The following CENPP variants were observed in gnomAD, a reference collection of about 807,000 sequenced individuals.
CENPP encodes the protein centromere protein P.
CENPP carries 24 observed loss-of-function variants against 35.6 expected under a neutral mutation model. That is an observed-to-expected ratio of 0.67 (90% CI 0.49 to 0.95). The LOEUF (loss-of-function observed/expected upper bound fraction) is 0.95, where lower values mean the gene tolerates loss of function less well. Ranked by LOEUF, CENPP falls within the 40% of genes least tolerant of loss-of-function variation. The pLI, the probability that CENPP is intolerant of heterozygous loss-of-function variation, is 0.00. For missense variants in CENPP, 332 were observed against 345.3 expected (o/e 0.96, Z 0.31); for synonymous variants, 120 against 125.5 (o/e 0.96, Z 0.29).
intron 3 of CENPP, chr9:92,339,666 C>G (rs894320620): frequency 6.5e-6 from 1 of 153,222 alleles, no homozygotes; most frequent in Non-Finnish European, 1.5e-5. Flanking sequence ...CTCTAGGGGA[C>G]TGACATTGTT....
intron 1 of CENPP, among the ~76,000 whole-genome samples, chr9:92,330,422 T>G (rs1392098742): frequency 6.6e-6 from 1 of 152,076 alleles, no homozygotes; most frequent in African/African-American, 2.4e-5. Flanking sequence ...GAATACATAT[T>G]TAGGATAGCA....
chr9:92,337,943 A>G (rs1275441777), intron 3 of CENPP, among the ~76,000 whole-genome samples: 4 of 152,292 alleles, frequency 2.6e-5, no homozygotes, highest in African/African-American at 9.6e-5. Context: ...TAGTTAGGTG[A>G]TATGCCAGCC....
chr9:92,430,259 A>G (rs1300962529), intron 5 of CENPP, among the ~76,000 whole-genome samples: 1 of 151,804 alleles, frequency 6.6e-6, no homozygotes, highest in Non-Finnish European at 1.5e-5. Context: ...TTTTATTTCT[A>G]TTGTATTGTA....
In CENPP at chr9:92,589,356, ATT is replaced by A. The variant is rs201190435; in HGVS notation, c.565-21950_565-21949del. On this transcript the variant is annotated intron_variant, in intron 5 of 7. Coordinates refer to ENST00000375587, the MANE Select transcript of CENPP (RefSeq NM_001012267.3). ...AAGACCCTGTCTCAAAAAAAAAAAA[ATT>A]TTTTTTTAAGAGAAAAAGGAAACTA... Among the ~76,000 whole-genome samples, 3 of 151,198 alleles carry A rather than the reference ATT, an allele frequency of 2.0e-5. No individual in the cohort carries two copies. The South Asian group carries it at 6.3e-4, about 32-fold the overall frequency.
chr9:92,570,502 G>C (rs968273196), intron 5 of CENPP, among the ~76,000 whole-genome samples: 3 of 152,122 alleles, frequency 2.0e-5, no homozygotes, highest in Non-Finnish European at 4.4e-5. Flanking sequence ...GAGGATTTTT[G>C]CATCAATGTT....
At chr9:92,344,274 AC>A (rs747808679) in intron 3 of CENPP, among the ~76,000 whole-genome samples, 2 of 152,184 alleles carry the variant, frequency 1.3e-5, no homozygotes, top group Non-Finnish European at 2.9e-5. Context: ...CTATAACCCA[AC>A]AAAAAATTTG....
At chr9:92,335,920 A>C (rs1240323790) in intron 2 of CENPP, among the ~76,000 whole-genome samples, 2 of 152,244 alleles carry the variant, frequency 1.3e-5, no homozygotes, top group Non-Finnish European at 2.9e-5. Flanking sequence ...TCCAGAAAGT[A>C]ACTTGCTGGA....
Position 92,484,171 on chromosome 9 carries a change from T to C in CENPP, c.564+104312T>C, listed in dbSNP as rs1218682043. On this transcript the variant is annotated intron_variant, in intron 5 of 7. Coordinates refer to ENST00000375587, the MANE Select transcript of CENPP (RefSeq NM_001012267.3). ...TTTGTTTCTGAACTGTTTATTGAAGTGTATGTTACCAAAAAAAAACATATC... is the reference window on the plus strand; with the variant it reads ...TTTGTTTCTGAACTGTTTATTGAAGCGTATGTTACCAAAAAAAAACATATC... Among the ~76,000 whole-genome samples the C allele has an allele frequency of 2.0e-5, 3 of 152,108 alleles. No homozygotes were observed. The East Asian group carries it at 5.8e-4, about 29-fold the overall frequency.
rs1430468398 is a variant in CENPP at position 92,619,049 on chromosome 9, G to A, written c.*5900G>A. On this transcript the variant is annotated 3_prime_UTR_variant, in exon 8 of 8. Coordinates refer to ENST00000375587, the MANE Select transcript of CENPP (RefSeq NM_001012267.3). ...ATTCAGAAGAGGAAGCAGAATGAAT[G>A]CGCGCCTCACAGGCTTTCAAATGAC... The A allele has an allele frequency of 4.4e-6, 1 of 229,878 alleles. No individual in the cohort carries two copies. Among genetic ancestry groups the A allele is most frequent in the African/African-American group, 2.3e-5 (1 of 44,386 alleles). 14.2% of individuals were successfully genotyped at this position (229,878 alleles called of 1,614,324 possible).
intron 5 of CENPP, chr9:92,465,050 G>T: frequency 6.7e-7 from 1 of 1,490,956 alleles, no homozygotes; most frequent in South Asian, 1.1e-5. Context: ...AGAATGACAT[G>T]ACTTAGCACA....
chr9:92,581,480 G>A (rs923770027), intron 5 of CENPP, among the ~76,000 whole-genome samples: 2 of 152,164 alleles, frequency 1.3e-5, no homozygotes, highest in African/African-American at 4.8e-5. Context: ...CCAAAGGAAT[G>A]GATTGGCTAT....
chr9:92,538,944 G>A (rs905942693), intron 5 of CENPP: 1 of 151,846 alleles, frequency 6.6e-6, no homozygotes, highest in South Asian at 2.1e-4. Context: ...ATAAATTGGG[G>A]TTTTTTTTAA....
intron 5 of CENPP, among the ~76,000 whole-genome samples, chr9:92,518,077 CG>C (rs1847835455): frequency 6.6e-6 from 1 of 152,170 alleles, no homozygotes. Flanking sequence ...AGCCCTTTCA[CG>C]TAGGCTCTAA....
chr9:92,600,617 G>C lies in CENPP; in HGVS notation c.565-10697G>C. The C allele has an allele frequency of 4.5e-6, 7 of 1,555,656 alleles. No homozygotes were observed. The Middle Eastern group carries it at 1.1e-3, about 244-fold the overall frequency. On this transcript the variant is annotated intron_variant, in intron 5 of 7. Transcript: ENST00000375587. ...CATCAGTCACTACCAGAAAGACAGC[G>C]CAAGTCATGCCCTGGTCGGCCATCC...
intron 5 of CENPP, among the ~76,000 whole-genome samples, chr9:92,549,615 C>G (rs2131323811): frequency 6.7e-6 from 1 of 150,230 alleles, no homozygotes; most frequent in Non-Finnish European, 1.5e-5. Context: ...CCACTGCACT[C>G]CAGCCTGAGT....
At chr9:92,343,948 G>A (rs1474946408) in intron 3 of CENPP, among the ~76,000 whole-genome samples, 1 of 103,856 alleles carries the variant, frequency 9.6e-6, no homozygotes, top group African/African-American at 3.8e-5. Context: ...GGGCAATAGA[G>A]CAAAACCCTG....
At chr9:92,545,952 C>G (rs537728084) in intron 5 of CENPP, among the ~76,000 whole-genome samples, 1 of 151,964 alleles carries the variant, frequency 6.6e-6, no homozygotes, top group South Asian at 2.1e-4. Flanking sequence ...AATCAGCACT[C>G]TGTCTAGCTC....
chr9:92,329,312 G>T (rs927897792), intron 1 of CENPP, among the ~76,000 whole-genome samples: 1 of 150,948 alleles, frequency 6.6e-6, no homozygotes, highest in Non-Finnish European at 1.5e-5. Flanking sequence ...AGCCTCCCGA[G>T]TAACTGGGAT....
intron 5 of CENPP, among the ~76,000 whole-genome samples, chr9:92,407,603 T>G (rs1184400812): frequency 6.6e-6 from 1 of 152,160 alleles, no homozygotes; most frequent in Non-Finnish European, 1.5e-5. Context: ...GAAAGAGTCT[T>G]CTTTGTGGAA....
Sources: allele counts gnomAD v4.1 joint callset (sites outside exome capture counted in the v4.1 genomes callset), GRCh38; gene constraint gnomAD v4.1.1; transcripts MANE v1.5; gene names NCBI Gene and HGNC (gene_info 2026-07-23, HGNC 2026-07-21).